SCN4A: variants seen among roughly 807,000 people sequenced by gnomAD.
The protein encoded by SCN4A is sodium voltage-gated channel alpha subunit 4.
SCN4A carries 83 observed loss-of-function variants against 162.0 expected under a neutral mutation model. The observed-to-expected ratio is 0.51, with a 90% CI of 0.43 to 0.61. The LOEUF (loss-of-function observed/expected upper bound fraction) is 0.61, where lower values mean the gene tolerates loss of function less well. Among genes scored for constraint, SCN4A ranks in the 20% least tolerant of loss-of-function variants. SCN4A has a pLI of 0.00. For synonymous variants in SCN4A, 944 were observed against 985.1 expected, an observed-to-expected ratio of 0.96 and a Z score of 0.78; for missense variants, 2,196 against 2,462.5, an observed-to-expected ratio of 0.89 and a Z score of 2.29.
intron 13 of SCN4A, among the ~76,000 whole-genome samples, chr17:63,952,829 C>T (rs1040244521): frequency 1.3e-5 from 2 of 152,118 alleles, no homozygotes; most frequent in East Asian, 1.9e-4. Context: ...CATGAATGGC[C>T]TCAGGGAGCT....
In SCN4A at chr17:63,940,884, C is replaced by A. The variant is rs769014245; in HGVS notation, c.5398G>T (p.Asp1800Tyr). The change falls in exon 24 of 24, where the codon GAC (aspartate) becomes TAC (tyrosine). Residue 1800 changes from aspartate to tyrosine, a missense_variant. Transcript: ENST00000435607. ...ATCAGCCCCATAGTGGGTCCGGCGT[C>A]CCCTGCCTCGCCCTTCTCCTCCGGG... ...PSPEEKGEAG[D>Y]AGPTMGLMPI... is the part of the protein sequence containing the mutation. 3.1e-6 allele frequency: 5 copies of A among 1,613,756 alleles called. No individual in the cohort carries two copies. Among genetic ancestry groups the A allele is most frequent in the African/African-American group, 1.3e-5 (1 of 74,946 alleles).
At chr17:63,967,660 C>T (rs1909490305) in intron 6 of SCN4A, among the ~76,000 whole-genome samples, 2 of 151,298 alleles carry the variant, frequency 1.3e-5, no homozygotes, top group South Asian at 2.1e-4. Flanking sequence ...GGGCGGGGAG[C>T]GGTGGCTCAC....
chr17:63,941,125 G>T lies in SCN4A; in HGVS notation c.5157C>A (p.Thr1719=), dbSNP rs570739894. The change falls in exon 24 of 24, where the codon ACC becomes ACA. Residue 1719 remains threonine (T), a synonymous_variant. Coordinates refer to ENST00000435607, the MANE Select transcript of SCN4A (RefSeq NM_000334.4). This position sits in a 1 kb window ranked among gnomAD's most constrained non-coding sequence, Gnocchi z 6.2. The part of the protein sequence containing the change: ...NPSKVSYEPI[T]TTLKRKHEEV... ...CCTCGTGCTTCCTCTTGAGGGTGGT[G>T]GTGATGGGCTCGTAGGACACCTTGG... The T allele has an allele frequency of 6.2e-7, 1 of 1,613,956 alleles. No individual in the cohort carries two copies. Among genetic ancestry groups the T allele is most frequent in the South Asian group, 1.1e-5 (1 of 91,086 alleles).
chr17:63,960,193 A>G (rs1909201678), intron 11 of SCN4A, among the ~76,000 whole-genome samples: 1 of 152,202 alleles, frequency 6.6e-6, no homozygotes. Flanking sequence ...AGCCCCTCCC[A>G]GAGGCTGTCC....
rs747564516 is a variant in SCN4A, at chr17:63,948,006, C to T, written c.3202G>A (p.Ala1068Thr). 1.9e-6 allele frequency: 3 copies of T among 1,613,848 alleles called. No homozygotes were observed. The highest frequency in any genetic ancestry group is 1.1e-5 in the South Asian group (1 of 91,068). Residue 1068 changes from alanine to threonine, a missense_variant, in exon 17 of 24, where the codon GCC becomes ACC. Transcript: ENST00000435607. The stretch of plus-strand genomic sequence containing the variant: ...AAGATGTAGGTGAAGACCTTGTCGG[C>T]ATATTCTAGGATGGTGCGAATGACT... Reference protein sequence around the residue: ...RRVIRTILEYADKVFTYIFIM... With the variant: ...RRVIRTILEYTDKVFTYIFIM...
intron 21 of SCN4A, 86 bp from the exon 22 acceptor site, chr17:63,943,936 C>A: frequency 2.5e-6 from 2 of 807,798 alleles, no homozygotes; most frequent in Non-Finnish European, 4.3e-6. Flanking sequence ...GGCACCTCAC[C>A]TTTAAGGCAG....
chr17:63,961,025 TA>T (rs1288819611), intron 11 of SCN4A, among the ~76,000 whole-genome samples, 167 bp downstream of exon 11: 2 of 121,224 alleles, frequency 1.6e-5, no homozygotes, highest in Admixed American at 8.6e-5. Context: ...TCACCCCAAG[TA>T]CCCCCCCCCA....
chr17:63,954,910 C>T (rs542175763), intron 13 of SCN4A, among the ~76,000 whole-genome samples: 25 of 152,270 alleles, frequency 1.6e-4, no homozygotes, highest in African/African-American at 5.3e-4. Flanking sequence ...CAGGGGCTCC[C>T]GTCCCACACA....
rs1355795979 is a variant in SCN4A, at chr17:63,948,705, C to G, written c.3050G>C (p.Trp1017Ser). 5 of 1,613,398 alleles carry G rather than the reference C, an allele frequency of 3.1e-6. No individual in the cohort carries two copies. Among genetic ancestry groups the G allele is most frequent in the Non-Finnish European group, 4.2e-6 (5 of 1,179,738 alleles). ...GAAGCAGGCCCTGCGCAGAGTCCAC[C>G]ACTTCTTCCCACGGCCCTGGGAGAT... ...VDISQGRGKK[W>S]WTLRRACFKI... The change falls in exon 16 of 24, where the codon TGG becomes TCG. Residue 1017 changes from tryptophan (W) to serine (S), a missense_variant. Physicochemically the swap from Trp to Ser is radical, Grantham distance 177. Transcript: ENST00000435607.
intron 3 of SCN4A, 139 bp downstream of exon 3, chr17:63,971,997 C>A: frequency 9.4e-7 from 1 of 1,058,586 alleles, no homozygotes. Context: ...CATGGCCACC[C>A]CAGGGACTCA....
At position 63,943,858 on chromosome 17, in the gene SCN4A, G is replaced by A. The variant is rs771318394; in HGVS notation, c.3913-8C>T. On this transcript the variant is annotated splice_region_variant and splice_polypyrimidine_tract_variant and intron_variant, in intron 21 of 23. Coordinates refer to ENST00000435607, the MANE Select transcript of SCN4A (RefSeq NM_000334.4). ...GATGTCTTTCCCCCCTAAGTATAGT[G>A]GGATAGGGCTTGTCAGGTTGAGGTG... is the stretch of plus-strand genomic sequence containing the variant. The A allele has an allele frequency of 4.5e-6, 7 of 1,571,088 alleles. No homozygotes were observed. In the Admixed American group the frequency reaches 1.0e-4, roughly 22 times the overall value.
rs1345007864 is a variant in SCN4A at position 63,941,345 on chromosome 17, G to T, written c.4937C>A (p.Thr1646Asn). 1.1e-5 allele frequency: 17 copies of T among 1,613,942 alleles called. No individual in the cohort carries two copies. In the East Asian group the frequency reaches 3.8e-4, roughly 36 times the overall value. The stretch of plus-strand genomic sequence containing the variant: ...GGCAATCCTCAGCGGTTCCTGCAGG[G>T]TGTCCACGAAGTCTGAGAGGCGGCT... ...AYSRLSDFVD[T>N]LQEPLRIAKP... Residue 1646 changes from threonine (T) to asparagine (N), a missense_variant, in exon 24 of 24, where the codon ACC (threonine) becomes AAC (asparagine). Physicochemically the swap from Thr to Asn is moderately conservative, Grantham distance 65 (BLOSUM62 0). Transcript: ENST00000435607. This position sits in a 1 kb window ranked among gnomAD's most constrained non-coding sequence, Gnocchi z 6.2.
In SCN4A at chr17:63,968,229, C is replaced by T. The variant is rs1340676381; in HGVS notation, c.830G>A (p.Arg277Lys). Reference protein sequence around the residue: ...VGLQLFMGNLRQKCVRWPPPF... With the variant: ...VGLQLFMGNLKQKCVRWPPPF... ...CGGGGGCCAGCGCACACACTTCTGCCTCAGGTTTCCCATGAAGAGCTGCAG... is the reference window on the plus strand; with the variant it reads ...CGGGGGCCAGCGCACACACTTCTGCTTCAGGTTTCCCATGAAGAGCTGCAG... Residue 277 changes from arginine to lysine, a missense_variant, in exon 6 of 24, where the codon AGG (arginine) becomes AAG (lysine). Arg to Lys is a conservative substitution (Grantham distance 26). Transcript: ENST00000435607. 3.1e-6 allele frequency: 5 copies of T among 1,614,072 alleles called. No homozygotes were observed. Among genetic ancestry groups the T allele is most frequent in the Non-Finnish European group, 4.2e-6 (5 of 1,179,954 alleles).
In SCN4A at chr17:63,963,798, C is replaced by T. The variant is rs1372565145; in HGVS notation, c.1480G>A (p.Gly494Arg). The T allele has an allele frequency of 1.9e-6, 3 of 1,605,882 alleles. No individual in the cohort carries two copies. The highest frequency in any genetic ancestry group is 2.7e-5 in the African/African-American group (2 of 74,902). ...KAKAAQALEG[G>R]EADGDPAHGK... ...TGGGCTGGGTCCCCATCTGCCTCCCCACCTTCCAGAGCTTGGGCGGCCTTG... is the reference window on the plus strand; with the variant it reads ...TGGGCTGGGTCCCCATCTGCCTCCCTACCTTCCAGAGCTTGGGCGGCCTTG... Residue 494 changes from glycine to arginine, a missense_variant, in exon 10 of 24, where the codon GGG becomes AGG. Physicochemically the swap from Gly to Arg is moderately radical, Grantham distance 125 (BLOSUM62 -2). Transcript: ENST00000435607.
chr17:63,962,325 C>T (rs551152450), intron 10 of SCN4A, among the ~76,000 whole-genome samples: 88 of 152,176 alleles, frequency 5.8e-4, no homozygotes, highest in Non-Finnish European at 9.6e-4. Context: ...CCAAAGTGTC[C>T]CCAGCCGGTC....
chr17:63,963,564 T>A, intron 10 of SCN4A, 108 bp downstream of exon 10: 1 of 1,239,916 alleles, frequency 8.1e-7, no homozygotes, highest in Non-Finnish European at 1.1e-6. Context: ...CCTGAATGGG[T>A]AGAGGGGGCA....
At position 63,951,734 on chromosome 17, in the gene SCN4A, A is replaced by G; in HGVS notation, c.2543T>C (p.Ile848Thr). 6.3e-7 allele frequency: 1 copy of G among 1,591,662 alleles called. No homozygotes were observed. Residue 848 changes from isoleucine to threonine, a missense_variant, in exon 14 of 24, where the codon ATC (isoleucine) becomes ACC (threonine). Ile to Thr is a moderately conservative substitution (Grantham distance 89, BLOSUM62 -1). Coordinates refer to ENST00000435607, the MANE Select transcript of SCN4A (RefSeq NM_000334.4). The surrounding 1 kb of genome is among the most constrained non-coding windows in gnomAD (Gnocchi z 4.5). ...AFLLGLLHGK[I>T]LSPKDIMLSL... ...GAGCATGATGTCCTTGGGGCTCAGG[A>G]TCTTGCCATGCAGCAGCCCCAGGAG...
chr17:63,952,181 T>G (rs1182591537), intron 13 of SCN4A, among the ~76,000 whole-genome samples: 3 of 151,284 alleles, frequency 2.0e-5, no homozygotes, highest in Admixed American at 6.6e-5. Flanking sequence ...ACTCTCTCCA[T>G]GACTGTCCTT....
In SCN4A at chr17:63,972,671, G is replaced by T. The variant is rs1415923721; in HGVS notation, c.171C>A (p.Asp57Glu). Reference protein sequence around the residue: ...IEEPERKPRSDLEAGKNLPMI... With the variant: ...IEEPERKPRSELEAGKNLPMI... ...TGGGTAGGTTCTTGCCAGCCTCCAAGTCACTTCGTGGCTTCCGTTCGGGCT... is the reference window on the plus strand; with the variant it reads ...TGGGTAGGTTCTTGCCAGCCTCCAATTCACTTCGTGGCTTCCGTTCGGGCT... The change falls in exon 1 of 24, where the codon GAC (aspartate) becomes GAA (glutamate). Residue 57 changes from aspartate (D) to glutamate (E), a missense_variant. Asp to Glu is a conservative substitution (Grantham distance 45). Coordinates refer to ENST00000435607, the MANE Select transcript of SCN4A (RefSeq NM_000334.4). The surrounding 1 kb of genome is among the most constrained non-coding windows in gnomAD (Gnocchi z 4.3). 2 of 1,613,510 alleles carry T rather than the reference G, an allele frequency of 1.2e-6. No individual in the cohort carries two copies. The highest frequency in any genetic ancestry group is 1.7e-6 in the Non-Finnish European group (2 of 1,179,688).
Sources: gnomAD v4.1 joint callset for allele counts (sites outside exome capture counted in the v4.1 genomes callset) on GRCh38, gnomAD v4.1.1 for gene constraint, Gnocchi (gnomAD v3.1) non-coding constraint, MANE v1.5 for transcripts, NCBI Gene and HGNC (gene_info 2026-07-23, HGNC 2026-07-21) for gene names.